DNAH7: variants seen among roughly 807,000 people sequenced by gnomAD.
DNAH7 encodes the protein axonemal beta dynein heavy chain 7.
A neutral mutation model predicts 444.6 loss-of-function variants in DNAH7; 397 were observed. The observed-to-expected ratio is 0.89, with a 90% CI of 0.82 to 0.97. The LOEUF is 0.97. Ranked by LOEUF, DNAH7 falls within the 50% of genes least tolerant of loss-of-function variation. The pLI, the probability that DNAH7 is intolerant of heterozygous loss-of-function variation, is 0.00. For synonymous variants in DNAH7, 1,636 were observed against 1,624.4 expected (o/e 1.01, Z -0.17); for missense variants, 4,902 against 4,800.8 (o/e 1.02, Z -0.62).
At chr2:195,787,203 A>G (rs1695663121) in intron 57 of DNAH7, 32 bp from the exon 58 acceptor site, 1 of 1,559,536 alleles carries the variant, frequency 6.4e-7, no homozygotes, top group African/African-American at 1.4e-5. Flanking sequence ...CCGCATCATT[A>G]TTTTCTCCAT....
chr2:195,990,871 TTAAA>T (rs2068773901), intron 12 of DNAH7, among the ~76,000 whole-genome samples: 2 of 135,894 alleles, frequency 1.5e-5, no homozygotes, highest in East Asian at 2.1e-4. Flanking sequence ...ACATATATAC[TTAAA>T]TATATACATA....
At chr2:195,976,584 G>C (rs1281764913) in intron 15 of DNAH7, among the ~76,000 whole-genome samples, 1 of 152,070 alleles carries the variant, frequency 6.6e-6, no homozygotes, top group Non-Finnish European at 1.5e-5. Flanking sequence ...AACACAGGCA[G>C]TAGCAAGTAA....
Position 195,888,807 on chromosome 2 carries a change from G to A in DNAH7, c.5221C>T (p.Pro1741Ser). ...CAAAATGGAGAACTTACAGTGGCAG[G>A]GGAAGCAACTTCTAAATCCATTGGC... is the stretch of plus-strand genomic sequence containing the variant. ...FEPMDLEVASPATVSRCGMIY... is the reference protein window; with the variant it reads ...FEPMDLEVASSATVSRCGMIY... Residue 1741 changes from proline to serine, a missense_variant, in exon 32 of 65, where the codon CCT (proline) becomes TCT (serine). By Grantham distance (74) the Pro-to-Ser change is moderately conservative. Coordinates refer to ENST00000312428, the MANE Select transcript of DNAH7 (RefSeq NM_018897.3). The A allele has an allele frequency of 6.2e-7, 1 of 1,610,510 alleles. No individual in the cohort carries two copies. The highest frequency in any genetic ancestry group is 8.5e-7 in the Non-Finnish European group (1 of 1,178,640).
rs1487304891 is a variant in DNAH7, at chr2:195,881,832, A to G, written c.5924T>C (p.Val1975Ala). 1.9e-6 allele frequency: 3 copies of G among 1,614,038 alleles called. No individual in the cohort carries two copies. The East Asian group carries it at 6.7e-5, about 36-fold the overall frequency. ...ACTTTTCCCAGTTCCTGTTGGTCCT[A>G]CAAATATTGAAGGCTTTTGATGGGT... ...LTTHQKPSIF[V>A]GPTGTGKSVY... The change falls in exon 36 of 65, where the codon GTA (valine) becomes GCA (alanine). Residue 1975 changes from valine to alanine, a missense_variant. By Grantham distance (64) the Val-to-Ala change is moderately conservative. Coordinates refer to ENST00000312428, the MANE Select transcript of DNAH7 (RefSeq NM_018897.3).
In DNAH7 at chr2:195,960,258, AC is replaced by A; in HGVS notation, c.2891+1del. 6.3e-7 allele frequency: 1 copy of A among 1,596,006 alleles called. No individual in the cohort carries two copies. The highest frequency in any genetic ancestry group is 8.5e-7 in the Non-Finnish European group (1 of 1,170,978). ...AACATTGCCATATAAATATCACTTT[AC>A]CTCATTTGTTTTTCATAAGGCTTAA... is the stretch of plus-strand genomic sequence containing the variant. On this transcript the variant is annotated splice_donor_variant, in intron 18 of 64. Coordinates refer to ENST00000312428, the MANE Select transcript of DNAH7 (RefSeq NM_018897.3). LOFTEE classifies it high-confidence loss of function.
At chr2:195,881,370 T>C (rs13409329) in intron 36 of DNAH7, among the ~76,000 whole-genome samples, 8,547 of 152,248 alleles carry the variant, frequency 0.056, 385 homozygotes, top group African/African-American at 0.13. Flanking sequence ...CATCTAGCAT[T>C]ATCTTAACTA....
intron 33 of DNAH7, 127 bp downstream of exon 33, chr2:195,888,126 TTTTAA>T (rs1701809724): frequency 2.7e-6 from 2 of 741,468 alleles, no homozygotes; most frequent in Admixed American, 3.5e-5. Flanking sequence ...TAATCTAAAT[TTTTAA>T]TTTAATCAAA....
chr2:196,065,128 T>C (rs1379846897), intron 1 of DNAH7, among the ~76,000 whole-genome samples: 1 of 152,174 alleles, frequency 6.6e-6, no homozygotes, highest in Admixed American at 6.5e-5. Flanking sequence ...TTAAAAATTA[T>C]CGTAAACAAT....
At chr2:195,932,591 C>T (rs1309996875) in intron 21 of DNAH7, among the ~76,000 whole-genome samples, 1 of 151,906 alleles carries the variant, frequency 6.6e-6, no homozygotes, top group Non-Finnish European at 1.5e-5. Flanking sequence ...GATATACATC[C>T]CATCAATACC....
chr2:195,909,706 A>T (rs1381054479), intron 25 of DNAH7, among the ~76,000 whole-genome samples: 1 of 152,224 alleles, frequency 6.6e-6, no homozygotes, highest in Non-Finnish European at 1.5e-5. Context: ...TAGGTTAAAG[A>T]TGTCTTTAGA....
At chr2:195,875,885 T>G in intron 37 of DNAH7, 42 bp from the exon 38 acceptor site, 2 of 1,558,100 alleles carry the variant, frequency 1.3e-6, no homozygotes, top group Non-Finnish European at 1.7e-6. Flanking sequence ...TATTAACATC[T>G]CAACATACAG....
At position 195,747,380 on chromosome 2, in the gene DNAH7, C is replaced by T. The variant is rs969717478; in HGVS notation, c.11765-6511G>A. On this transcript the variant is annotated intron_variant, in intron 63 of 64. Coordinates refer to ENST00000312428, the MANE Select transcript of DNAH7 (RefSeq NM_018897.3). ...CAACCAAAAAGAGTCCAGGACCAGACGGATTCACAGCCTAATTCTACCAGA... is the reference window on the plus strand; with the variant it reads ...CAACCAAAAAGAGTCCAGGACCAGATGGATTCACAGCCTAATTCTACCAGA... Among the ~76,000 whole-genome samples the T allele has an allele frequency of 4.7e-3, 709 of 152,250 alleles. 5 individuals are homozygous for T. The highest frequency in any genetic ancestry group is 1.0e-2 in the South Asian group (48 of 4,818).
intron 2 of DNAH7, among the ~76,000 whole-genome samples, chr2:196,056,760 C>A (rs1186464831): frequency 2.0e-5 from 3 of 152,198 alleles, no homozygotes; most frequent in African/African-American, 7.2e-5. Context: ...TCTCCTCAGT[C>A]TCTTATTATT....
intron 34 of DNAH7, among the ~76,000 whole-genome samples, chr2:195,885,367 G>GTTTAAACAAACAGGTTTAAAC (rs1333958917): frequency 6.6e-6 from 1 of 152,124 alleles, no homozygotes; most frequent in East Asian, 1.9e-4. Context: ...AATAAGGTAG[G>GTTTAAACAAACAGGTTTAAAC]AAGCCTGTTT....
At chr2:195,787,209 T>G (rs755674865) in intron 57 of DNAH7, 38 bp from the exon 58 acceptor site, 1 of 1,556,072 alleles carries the variant, frequency 6.4e-7, no homozygotes, top group East Asian at 2.3e-5. Flanking sequence ...CATTATTTTC[T>G]CCATATATTG....
intron 48 of DNAH7, among the ~76,000 whole-genome samples, chr2:195,831,201 CT>C (rs1453982418): frequency 6.6e-6 from 1 of 152,154 alleles, no homozygotes; most frequent in African/African-American, 2.4e-5. Flanking sequence ...TTTATGCACA[CT>C]TTATCCATTG....
intron 21 of DNAH7, among the ~76,000 whole-genome samples, chr2:195,928,848 T>C (rs1292491097): frequency 2.0e-5 from 3 of 151,848 alleles, no homozygotes; most frequent in Admixed American, 2.0e-4. Context: ...AATTTAAATA[T>C]AAATTAACTG....
chr2:195,804,094 T>C (rs1696601354), intron 54 of DNAH7, among the ~76,000 whole-genome samples: 2 of 152,094 alleles, frequency 1.3e-5, no homozygotes, highest in South Asian at 2.1e-4. Flanking sequence ...TCATGGAGCA[T>C]ACAGTAAACT....
chr2:195,821,028 A>C (rs1697444044), intron 49 of DNAH7, among the ~76,000 whole-genome samples: 2 of 152,210 alleles, frequency 1.3e-5, no homozygotes, highest in Non-Finnish European at 2.9e-5. Flanking sequence ...GCCAATGCCT[A>C]AGCAACTTGG....
Sources: gnomAD v4.1 joint callset for allele counts (sites outside exome capture counted in the v4.1 genomes callset) on GRCh38, gnomAD v4.1.1 for gene constraint, MANE v1.5 for transcripts, NCBI Gene and HGNC (gene_info 2026-07-23, HGNC 2026-07-21) for gene names.